The following LCA5 variants were observed in gnomAD, a reference collection of about 807,000 sequenced individuals.
LCA5 encodes lebercilin.
Under a neutral mutation model 53.0 loss-of-function variants are expected in LCA5, and 37 were observed. The ratio of observed to expected loss-of-function variants is 0.70; its 90% CI spans 0.54 to 0.92. The LOEUF (loss-of-function observed/expected upper bound fraction) is 0.92. LCA5 is among the 40% of genes least tolerant of loss of function. The probability of loss-of-function intolerance (pLI) is 0.00; values close to 1 mark genes in which losing one functional copy is unlikely to be tolerated. For synonymous variants in LCA5, 303 were observed against 282.9 expected (o/e 1.07, Z -0.71); for missense variants, 806 against 790.5 (o/e 1.02, Z -0.23).
intron 1 of LCA5, among the ~76,000 whole-genome samples, chr6:79,527,628 G>A (rs923672300): frequency 1.3e-5 from 2 of 152,176 alleles, no homozygotes; most frequent in East Asian, 1.9e-4. Context: ...CGGTAAACAC[G>A]GGGTGGGTAA....
At chr6:79,491,769 A>G (rs1382095907) in intron 5 of LCA5, 39 bp from the exon 6 acceptor site, 6 of 1,572,506 alleles carry the variant, frequency 3.8e-6, no homozygotes, top group Non-Finnish European at 5.2e-6. Context: ...ATTACAATGA[A>G]TAATGCTAAA....
chr6:79,518,809 G>C lies in LCA5; in HGVS notation c.86C>G (p.Thr29Arg). ...HHYSYLSDFE[T>R]PQSSGRSSLV... ...CGATGATCGGCCAGAAGACTGTGGC[G>C]TTTCAAAATCAGATAAGTAAGAATA... Residue 29 changes from threonine to arginine, a missense_variant, in exon 2 of 8, where the codon ACG (threonine) becomes AGG (arginine). Thr to Arg is a moderately conservative substitution (Grantham distance 71). Coordinates refer to ENST00000369846, the MANE Select transcript of LCA5 (RefSeq NM_001122769.3). 1 of 1,614,098 alleles carries C rather than the reference G, an allele frequency of 6.2e-7. No individual in the cohort carries two copies. Among genetic ancestry groups the C allele is most frequent in the Non-Finnish European group, 8.5e-7 (1 of 1,179,990 alleles).
chr6:79,529,441 C>T (rs1375709894), intron 1 of LCA5, among the ~76,000 whole-genome samples: 1 of 151,978 alleles, frequency 6.6e-6, no homozygotes, highest in African/African-American at 2.4e-5. Context: ...AATAAGCGAA[C>T]AGAATGTAGA....
At chr6:79,536,000 C>T (rs1435848823) in intron 1 of LCA5, among the ~76,000 whole-genome samples, 1 of 152,116 alleles carries the variant, frequency 6.6e-6, no homozygotes, top group Non-Finnish European at 1.5e-5. Flanking sequence ...ATATGTGTAA[C>T]GGAAGAGATG....
upstream of LCA5, among the ~76,000 whole-genome samples, chr6:79,537,808 A>G (rs1333681158): frequency 6.6e-6 from 1 of 152,172 alleles, no homozygotes; most frequent in African/African-American, 2.4e-5. Flanking sequence ...TTGCTTTTAA[A>G]TTGTAAACAA....
At chr6:79,502,359 T>C (rs981380091) in intron 3 of LCA5, among the ~76,000 whole-genome samples, 1 of 152,240 alleles carries the variant, frequency 6.6e-6, no homozygotes, top group Non-Finnish European at 1.5e-5. Context: ...ATGCTTCCTC[T>C]GTGCATTACG....
intron 3 of LCA5, among the ~76,000 whole-genome samples, chr6:79,509,098 C>G (rs1368277216): frequency 6.6e-6 from 1 of 152,142 alleles, no homozygotes. Context: ...CTCCCCCCAT[C>G]CCCTCAAATA....
chr6:79,514,178 T>C (rs539792731), intron 2 of LCA5, among the ~76,000 whole-genome samples: 39 of 152,276 alleles, frequency 2.6e-4, no homozygotes, highest in African/African-American at 8.4e-4. Context: ...TGTGAAAATG[T>C]ATGTTTTCAA....
At chr6:79,529,669 G>A (rs1436877923) in intron 1 of LCA5, among the ~76,000 whole-genome samples, 1 of 151,942 alleles carries the variant, frequency 6.6e-6, no homozygotes, top group Admixed American at 6.6e-5. Context: ...GTTTATTGCG[G>A]CACTACTCAC....
Position 79,487,224 on chromosome 6 carries a change from T to G in LCA5, c.1874A>C (p.Asn625Thr). The change falls in exon 8 of 8, where the codon AAT becomes ACT. Residue 625 changes from asparagine to threonine, a missense_variant. Transcript: ENST00000369846. ...GTCTCCTTTACTGGAAGCCACAGAA[T>G]TTGGGTCACTGCTTTTGGAGGAAAT... is the stretch of plus-strand genomic sequence containing the variant. The part of the protein sequence containing the change: ...STISSKSSDP[N>T]SVASSKGDID... 6.2e-7 allele frequency: 1 copy of G among 1,614,072 alleles called. No individual in the cohort carries two copies. The highest frequency in any genetic ancestry group is 8.5e-7 in the Non-Finnish European group (1 of 1,179,954).
intron 4 of LCA5, 102 bp downstream of exon 4, chr6:79,493,511 T>C: frequency 9.1e-7 from 1 of 1,097,632 alleles, no homozygotes; most frequent in African/African-American, 1.6e-5. Context: ...GTAAATTATA[T>C]TGTACCAACT....
In LCA5 at chr6:79,492,572, C is replaced by A; in HGVS notation, c.934G>T (p.Glu312Ter). 1 of 1,542,644 alleles carries A rather than the reference C, an allele frequency of 6.5e-7. No individual in the cohort carries two copies. Residue 312 changes from glutamate to a stop codon, truncating the protein, a stop_gained, in exon 5 of 8, where the codon GAA (glutamate) becomes TAA (stop). Coordinates refer to ENST00000369846, the MANE Select transcript of LCA5 (RefSeq NM_001122769.3). LOFTEE classifies it high-confidence loss of function. The part of the protein sequence containing the change: ...LPKSSPNKEK[E>*]LALRKNAACQ... Reference sequence around the variant, plus strand: ...ATACCATTTTTTCTTAATGCAAGTTCTTTCTCTTTATTTGGAGAGGACTTT... The same window carrying A: ...ATACCATTTTTTCTTAATGCAAGTTATTTCTCTTTATTTGGAGAGGACTTT...
intron 1 of LCA5, among the ~76,000 whole-genome samples, chr6:79,530,753 A>C (rs1302266212): frequency 6.6e-6 from 1 of 152,190 alleles, no homozygotes; most frequent in Admixed American, 6.5e-5. Context: ...CTTGTAAAAA[A>C]TTAGTCCTTA....
At chr6:79,488,583 T>C (rs529897982) in intron 7 of LCA5, 9 of 162,634 alleles carry the variant, frequency 5.5e-5, no homozygotes, top group Admixed American at 5.0e-4. Context: ...CAAAGTTAAA[T>C]TTCCTGAAGT....
intron 1 of LCA5, among the ~76,000 whole-genome samples, chr6:79,522,350 G>A (rs1331289057): frequency 1.3e-5 from 2 of 152,144 alleles, no homozygotes; most frequent in East Asian, 3.9e-4. Flanking sequence ...CCATGTCTCT[G>A]ATAGGACACA....
At chr6:79,496,708 T>G (rs1582622204) in intron 3 of LCA5, among the ~76,000 whole-genome samples, 1 of 152,112 alleles carries the variant, frequency 6.6e-6, no homozygotes, top group Non-Finnish European at 1.5e-5. Context: ...CAAAAAGGCA[T>G]TAAAACTTTT....
chr6:79,492,491 T>C, intron 5 of LCA5, 60 bp downstream of exon 5: 1 of 772,704 alleles, frequency 1.3e-6, no homozygotes, highest in South Asian at 1.7e-5. Context: ...TTCAGAATTA[T>C]TGTACTATCA....
chr6:79,485,044 A>G lies in LCA5; in HGVS notation c.*1960T>C, dbSNP rs574968757. On this transcript the variant is annotated 3_prime_UTR_variant, in exon 8 of 8. Coordinates refer to ENST00000369846, the MANE Select transcript of LCA5 (RefSeq NM_001122769.3). Reference sequence around the variant, plus strand: ...TCTGAGTACAAATAAATTTAATGACATTTAGAAAAAAAAACAATTTACCCT... The same window carrying G: ...TCTGAGTACAAATAAATTTAATGACGTTTAGAAAAAAAAACAATTTACCCT... 5.2e-4 allele frequency: 80 copies of G among 152,456 alleles called. 1 individual carries two copies. The highest frequency in any genetic ancestry group is 9.4e-4 in the Non-Finnish European group (64 of 67,998). 9.4% of individuals were successfully genotyped at this position (152,456 alleles called of 1,614,324 possible). A position where few individuals can be genotyped will look rare whatever the true frequency, so the allele number is the denominator to read the frequency against.
At position 79,513,680 on chromosome 6, in the gene LCA5, G is replaced by A. The variant is rs900980105; in HGVS notation, c.252C>T (p.Arg84=). Residue 84 remains arginine, a synonymous_variant, in exon 3 of 8, where the codon CGC becomes CGT. Coordinates refer to ENST00000369846, the MANE Select transcript of LCA5 (RefSeq NM_001122769.3). ...PNRKGVRVGF[R]SQSLNREPLR... is the part of the protein sequence containing the mutation. ...GTGGCTCTCTATTGAGGCTCTGGGA[G>A]CGAAATCCCACTCGGACTCCCTTTC... 1 of 1,613,794 alleles carries A rather than the reference G, an allele frequency of 6.2e-7. No individual in the cohort carries two copies. Among genetic ancestry groups the A allele is most frequent in the Non-Finnish European group, 8.5e-7 (1 of 1,179,802 alleles).
Sources: gnomAD v4.1 joint callset for allele counts (sites outside exome capture counted in the v4.1 genomes callset) on GRCh38, gnomAD v4.1.1 for gene constraint, MANE v1.5 for transcripts, NCBI Gene and HGNC (gene_info 2026-07-23, HGNC 2026-07-21) for gene names.